The following KIF13A variants were observed in gnomAD, a reference collection of about 807,000 sequenced individuals.
The protein encoded by KIF13A is kinesin-like protein KIF13A.
KIF13A carries 79 observed loss-of-function variants against 212.2 expected under a neutral mutation model. The ratio of observed to expected loss-of-function variants is 0.37; its 90% CI spans 0.31 to 0.45. The LOEUF (loss-of-function observed/expected upper bound fraction) is 0.45. Ranked by LOEUF, KIF13A falls within the 20% of genes least tolerant of loss-of-function variation. The pLI, the probability that KIF13A is intolerant of heterozygous loss-of-function variation, is 1.00. For missense variants in KIF13A, 1,901 were observed against 2,209.0 expected, an observed-to-expected ratio of 0.86 and a Z score of 2.79; for synonymous variants, 789 against 808.6, an observed-to-expected ratio of 0.98 and a Z score of 0.41.
chr6:17,841,804 T>C (rs1259232694), intron 9 of KIF13A, among the ~76,000 whole-genome samples: 2 of 152,088 alleles, frequency 1.3e-5, no homozygotes, highest in East Asian at 1.9e-4. Context: ...CACCCAGGGA[T>C]GAGGAGCCCA....
Position 17,811,162 on chromosome 6 carries a change from C to T in KIF13A, c.2001-2232G>A, listed in dbSNP as rs1205815810. On this transcript the variant is annotated intron_variant, in intron 17 of 38. Coordinates refer to ENST00000259711, the MANE Select transcript of KIF13A (RefSeq NM_022113.6). The surrounding 1 kb of genome is among the most constrained non-coding windows in gnomAD (Gnocchi z 6.0). ...AATGCACTTGAAATCAATCCTTCTCCCTGAAAACCTCTGTAGAAGACTCAG... is the reference window on the plus strand; with the variant it reads ...AATGCACTTGAAATCAATCCTTCTCTCTGAAAACCTCTGTAGAAGACTCAG... Among the ~76,000 whole-genome samples the T allele has an allele frequency of 2.0e-5, 3 of 152,330 alleles. No individual in the cohort carries two copies. The highest frequency in any genetic ancestry group is 3.4e-3 in the Middle Eastern group (1 of 294).
rs999471134 is a variant in KIF13A at position 17,769,688 on chromosome 6, C to T, written c.4581+1426G>A. Among the ~76,000 whole-genome samples the T allele has an allele frequency of 7.0e-5, 3 of 43,006 alleles. No individual in the cohort carries two copies. The highest frequency in any genetic ancestry group is 6.9e-4 in the Admixed American group (3 of 4,350). The allele number at this position is 43,006 out of a possible 152,430, so 28.2% of individuals were successfully genotyped here. On this transcript the variant is annotated intron_variant, in intron 38 of 38. Coordinates refer to ENST00000259711, the MANE Select transcript of KIF13A (RefSeq NM_022113.6). This position sits in a 1 kb window ranked among gnomAD's most constrained non-coding sequence, Gnocchi z 5.8. ...AGGTTTAAATTGAGTGGCTGTGCAC[C>T]ACAGTGATAAGTGTCATGCCAATAA...
intron 16 of KIF13A, among the ~76,000 whole-genome samples, chr6:17,820,053 TAGTC>T (rs1477291157): frequency 2.6e-5 from 4 of 152,086 alleles, no homozygotes; most frequent in African/African-American, 4.8e-5. Context: ...TTTCCATTGT[TAGTC>T]AGTAGTGCAG....
At chr6:17,944,362 T>A (rs1259981750) in intron 2 of KIF13A, among the ~76,000 whole-genome samples, 3 of 152,120 alleles carry the variant, frequency 2.0e-5, no homozygotes, top group Admixed American at 1.3e-4. Context: ...ATGCCCCAAA[T>A]CCATTTACAC....
chr6:17,919,021 T>C lies in KIF13A; in HGVS notation c.147-20841A>G, dbSNP rs1045281621. Among the ~76,000 whole-genome samples, 2 of 152,152 alleles carry C rather than the reference T, an allele frequency of 1.3e-5. No homozygotes were observed. Among genetic ancestry groups the C allele is most frequent in the Non-Finnish European group, 2.9e-5 (2 of 68,034 alleles). ...GGGTTGTCAGGCACGAAATAGTCAC[T>C]CAGTAAGTATCTCTTAAATGAATGG... On this transcript the variant is annotated intron_variant, in intron 2 of 38. Transcript: ENST00000259711. The surrounding 1 kb of genome is among the most constrained non-coding windows in gnomAD (Gnocchi z 4.1).
chr6:17,883,627 A>G lies in KIF13A; in HGVS notation c.160-10190T>C, dbSNP rs1335926707. On this transcript the variant is annotated intron_variant, in intron 3 of 38. Transcript: ENST00000259711. The surrounding 1 kb of genome is among the most constrained non-coding windows in gnomAD (Gnocchi z 4.8). Reference sequence around the variant, plus strand: ...ATTCCCACTGCTTTCCCAAAAAGACATAAGAAATGACCCTATTCATCTGTA... The same window carrying G: ...ATTCCCACTGCTTTCCCAAAAAGACGTAAGAAATGACCCTATTCATCTGTA... 1.3e-5 allele frequency among the ~76,000 whole-genome samples: 2 copies of G among 152,220 alleles called. No homozygotes were observed. The highest frequency in any genetic ancestry group is 2.9e-5 in the Non-Finnish European group (2 of 68,030).
rs1184733534 is a variant in KIF13A, at chr6:17,871,535, G to GC, written c.220+1841_220+1842insG. 6.6e-6 allele frequency among the ~76,000 whole-genome samples: 1 copy of GC among 151,998 alleles called. No homozygotes were observed. Among genetic ancestry groups the GC allele is most frequent in the South Asian group, 2.1e-4 (1 of 4,822 alleles). On this transcript the variant is annotated intron_variant, in intron 4 of 38. Coordinates refer to ENST00000259711, the MANE Select transcript of KIF13A (RefSeq NM_022113.6). This position sits in a 1 kb window ranked among gnomAD's most constrained non-coding sequence, Gnocchi z 4.4. ...TGGGCTGCACACACACAGTGGGTTGGGGGGGGAGTCATGAATACTTAAAAA... is the reference window on the plus strand; with the variant it reads ...TGGGCTGCACACACACAGTGGGTTGGCGGGGGGAGTCATGAATACTTAAAAA...
chr6:17,816,367 C>T lies in KIF13A; in HGVS notation c.2000+653G>A, dbSNP rs115792367. Among the ~76,000 whole-genome samples, 606 of 151,896 alleles carry T rather than the reference C, an allele frequency of 4.0e-3. 6 individuals are homozygous for T. The highest frequency in any genetic ancestry group is 0.014 in the African/African-American group (558 of 41,238). ...TATAGGCACCAGCTACCATGCCTGG[C>T]TAATTTTTTATTTTTTGTAGAGACA... On this transcript the variant is annotated intron_variant, in intron 17 of 38. Transcript: ENST00000259711. The surrounding 1 kb of genome is among the most constrained non-coding windows in gnomAD (Gnocchi z 4.3).
intron 16 of KIF13A, among the ~76,000 whole-genome samples, chr6:17,824,688 G>C (rs1166964019): frequency 6.6e-6 from 1 of 151,138 alleles, no homozygotes; most frequent in Non-Finnish European, 1.5e-5. Context: ...GTGAACCTGG[G>C]AGGTGGAGCT....
rs1443618457 is a variant in KIF13A at position 17,789,799 on chromosome 6, CCT to C, written c.3261+71_3261+72del. On this transcript the variant is annotated intron_variant, in intron 26 of 38. Transcript: ENST00000259711. The surrounding 1 kb of genome is among the most constrained non-coding windows in gnomAD (Gnocchi z 4.8). ...TAGGGCCCTCCTTCCTCCTCCCTGG[CCT>C]CTGCTTTGCGAATGCTGGCAATTAG... 2 of 1,307,574 alleles carry C rather than the reference CCT, an allele frequency of 1.5e-6. No homozygotes were observed. Among genetic ancestry groups the C allele is most frequent in the Non-Finnish European group, 2.2e-6 (2 of 909,948 alleles). The allele number at this position is 1,307,574 out of a possible 1,614,324, so 81.0% of individuals were successfully genotyped here. A position where few individuals can be genotyped will look rare whatever the true frequency, so the allele number is the denominator to read the frequency against.
intron 3 of KIF13A, among the ~76,000 whole-genome samples, chr6:17,878,544 G>C (rs1259012084): frequency 6.6e-6 from 1 of 151,634 alleles, no homozygotes; most frequent in Non-Finnish European, 1.5e-5. Context: ...GCTTCCCAAA[G>C]TGTGGTATTA....
chr6:17,911,414 T>A (rs2150505023), intron 2 of KIF13A, among the ~76,000 whole-genome samples: 1 of 152,350 alleles, frequency 6.6e-6, no homozygotes, highest in South Asian at 2.1e-4. Context: ...TCTCCTGATA[T>A]CAGGTTCCTC....
intron 16 of KIF13A, among the ~76,000 whole-genome samples, chr6:17,818,621 A>G (rs959273374): frequency 9.2e-5 from 14 of 152,208 alleles, no homozygotes; most frequent in Admixed American, 7.9e-4. Flanking sequence ...TAGAGGTTCT[A>G]TCTGCTTTGC....
intron 2 of KIF13A, chr6:17,950,474 A>T: frequency 2.0e-6 from 2 of 984,874 alleles, no homozygotes; most frequent in Non-Finnish European, 2.4e-6. Context: ...TCACTGGTCA[A>T]ATTTACCTTC....
intron 4 of KIF13A, among the ~76,000 whole-genome samples, chr6:17,867,814 C>T (rs1308044030): frequency 6.6e-6 from 1 of 152,168 alleles, no homozygotes; most frequent in Non-Finnish European, 1.5e-5. Context: ...AATTTTGCTG[C>T]ACAAATGTTT....
intron 2 of KIF13A, among the ~76,000 whole-genome samples, chr6:17,902,101 A>T (rs1414424353): frequency 6.6e-6 from 1 of 152,232 alleles, no homozygotes; most frequent in Non-Finnish European, 1.5e-5. Flanking sequence ...TTACAGAAAG[A>T]GGCAATGATT....
chr6:17,765,423 G>A (rs1393236584), intron 38 of KIF13A, among the ~76,000 whole-genome samples: 2 of 152,132 alleles, frequency 1.3e-5, no homozygotes, highest in African/African-American at 4.8e-5. Context: ...TTTTTAAAAA[G>A]TTTCTCAGCT....
chr6:17,902,783 G>A lies in KIF13A; in HGVS notation c.147-4603C>T, dbSNP rs777360862. Among the ~76,000 whole-genome samples the A allele has an allele frequency of 3.9e-5, 6 of 152,290 alleles. No homozygotes were observed. In the South Asian group the frequency reaches 1.2e-3, roughly 32 times the overall value. Reference sequence around the variant, plus strand: ...GTTCTGATGCCTTCAGTAACTGTCTGCATTTGAGTCTCATATATCTTTAAG... The same window carrying A: ...GTTCTGATGCCTTCAGTAACTGTCTACATTTGAGTCTCATATATCTTTAAG... On this transcript the variant is annotated intron_variant, in intron 2 of 38. Coordinates refer to ENST00000259711, the MANE Select transcript of KIF13A (RefSeq NM_022113.6).
intron 3 of KIF13A, among the ~76,000 whole-genome samples, chr6:17,878,144 T>C (rs1348291410): frequency 6.6e-6 from 1 of 152,032 alleles, no homozygotes; most frequent in East Asian, 1.9e-4. Flanking sequence ...AATAAACACA[T>C]ATGACGCCAG....
Sources: allele counts gnomAD v4.1 joint callset (sites outside exome capture counted in the v4.1 genomes callset), GRCh38; gene constraint gnomAD v4.1.1; non-coding constraint Gnocchi (gnomAD v3.1); transcripts MANE v1.5; gene names NCBI Gene and HGNC (gene_info 2026-07-23, HGNC 2026-07-21).